The following FAT3 variants were observed in gnomAD, a reference collection of about 807,000 sequenced individuals.
FAT3 encodes the protein protocadherin Fat 3.
FAT3 carries 95 observed loss-of-function variants against 310.2 expected under a neutral mutation model. The ratio of observed to expected loss-of-function variants is 0.31; its 90% confidence interval spans 0.26 to 0.36. The LOEUF is 0.36. Among genes scored for constraint, FAT3 ranks in the 10% least tolerant of loss-of-function variants. The pLI is 1.00. For missense variants in FAT3, 5,408 were observed against 5,715.6 expected, an observed-to-expected ratio of 0.95 and a Z score of 1.74; for synonymous variants, 2,314 against 2,192.9, an observed-to-expected ratio of 1.06 and a Z score of -1.54.
chr11:92,596,779 G>A (rs1939731106), intron 3 of FAT3, among the ~76,000 whole-genome samples: 2 of 152,204 alleles, frequency 1.3e-5, no homozygotes, highest in African/African-American at 4.8e-5. Context: ...GCTTCTCTCA[G>A]TAAGGCCAAT....
intron 2 of FAT3, among the ~76,000 whole-genome samples, chr11:92,415,317 T>C (rs1210806323): frequency 6.6e-6 from 1 of 152,228 alleles, no homozygotes; most frequent in Non-Finnish European, 1.5e-5. Flanking sequence ...ATTCCACAGA[T>C]TGATCAGCCT....
chr11:92,550,310 A>G (rs1954765516), intron 3 of FAT3, among the ~76,000 whole-genome samples: 1 of 152,198 alleles, frequency 6.6e-6, no homozygotes, highest in African/African-American at 2.4e-5. Flanking sequence ...CCAAGAGAGA[A>G]GAGCCAGGAA....
chr11:92,543,029 G>A (rs538282976), intron 3 of FAT3, among the ~76,000 whole-genome samples: 15 of 152,012 alleles, frequency 9.9e-5, no homozygotes, highest in African/African-American at 3.1e-4. Context: ...TTGCAGCAAC[G>A]TGGATGGACC....
At chr11:92,295,464 A>G (rs562313916) in intron 1 of FAT3, among the ~76,000 whole-genome samples, 2 of 152,276 alleles carry the variant, frequency 1.3e-5, no homozygotes, top group African/African-American at 4.8e-5. Flanking sequence ...CCGTGTCTGA[A>G]TACAATTCTT....
chr11:92,376,456 A>C (rs1387354749), intron 2 of FAT3, among the ~76,000 whole-genome samples: 1 of 152,204 alleles, frequency 6.6e-6, no homozygotes, highest in African/African-American at 2.4e-5. Context: ...TCAGACGAAT[A>C]GTGAATCATT....
chr11:92,854,729 T>G (rs1003333960), intron 19 of FAT3, among the ~76,000 whole-genome samples: 2 of 152,058 alleles, frequency 1.3e-5, no homozygotes, highest in African/African-American at 4.8e-5. Flanking sequence ...ATCTGGCCCT[T>G]TTTTCCCCCT....
At chr11:92,345,096 G>T (rs1565241839) in intron 1 of FAT3, among the ~76,000 whole-genome samples, 1 of 152,068 alleles carries the variant, frequency 6.6e-6, no homozygotes. Context: ...CACAGTTTGG[G>T]AAATAGTGGG....
intron 1 of FAT3, among the ~76,000 whole-genome samples, chr11:92,349,599 C>T (rs888829892): frequency 1.3e-5 from 2 of 152,204 alleles, no homozygotes; most frequent in Non-Finnish European, 2.9e-5. Context: ...AAATGACCAG[C>T]AGCCCAGTGA....
chr11:92,683,424 T>C (rs565784414), intron 3 of FAT3, among the ~76,000 whole-genome samples: 1 of 152,334 alleles, frequency 6.6e-6, no homozygotes, highest in South Asian at 2.1e-4. Flanking sequence ...ATGATTTTCC[T>C]TTCCCATCAG....
intron 7 of FAT3, 105 bp downstream of exon 7, chr11:92,774,285 C>A: frequency 8.1e-7 from 1 of 1,232,738 alleles, no homozygotes; most frequent in Non-Finnish European, 1.1e-6. Flanking sequence ...ATTATGTCGA[C>A]GGTTTTCTAG....
chr11:92,670,576 T>G (rs1056890668), intron 3 of FAT3, among the ~76,000 whole-genome samples: 2 of 152,232 alleles, frequency 1.3e-5, no homozygotes, highest in African/African-American at 4.8e-5. Context: ...GGTATCCTTT[T>G]GAGCCAGCTC....
Position 92,810,004 on chromosome 11 carries a change from A to G in FAT3, c.9409A>G (p.Asn3137Asp), listed in dbSNP as rs764251161. 1.5e-5 allele frequency: 25 copies of G among 1,613,828 alleles called. No individual in the cohort carries two copies. In the Admixed American group the frequency reaches 3.3e-4, roughly 22 times the overall value. ...NPPVFSSDHY[N>D]TCVYENTATK... ...CCCTGTGTTTTCTTCTGACCACTAC[A>G]ACACCTGTGTCTATGAGAACACAGC... is the stretch of plus-strand genomic sequence containing the variant. Residue 3137 changes from asparagine (N) to aspartate (D), a missense_variant, in exon 13 of 28, where the codon AAC (asparagine) becomes GAC (aspartate). This residue lies in a region of FAT3 where 4,588 missense variants were observed against 4,809.8 expected (regional missense o/e 0.95). Coordinates refer to ENST00000525166, the MANE Select transcript of FAT3 (RefSeq NM_001367949.2).
At chr11:92,228,872 C>T (rs1864030863) in intron 1 of FAT3, among the ~76,000 whole-genome samples, 1 of 152,102 alleles carries the variant, frequency 6.6e-6, no homozygotes, top group African/African-American at 2.4e-5. Context: ...TGGGGTCATC[C>T]CCAGGTTTTT....
chr11:92,796,040 C>T (rs1157094427), intron 9 of FAT3, among the ~76,000 whole-genome samples: 4 of 151,972 alleles, frequency 2.6e-5, no homozygotes, highest in South Asian at 2.1e-4. Context: ...ACTCTGCAGT[C>T]GGGCACCATA....
At chr11:92,442,082 TATATA>T (rs1951077924) in intron 2 of FAT3, among the ~76,000 whole-genome samples, 2 of 63,096 alleles carry the variant, frequency 3.2e-5, no homozygotes, top group African/African-American at 2.0e-4. Context: ...ATATATATTT[TATATA>T]TATATATATA....
intron 3 of FAT3, among the ~76,000 whole-genome samples, chr11:92,672,140 AT>A (rs1377594725): frequency 1.3e-5 from 2 of 152,216 alleles, no homozygotes; most frequent in African/African-American, 4.8e-5. Flanking sequence ...ATAAATAAAT[AT>A]TTTTTAAATA....
At chr11:92,262,139 G>A (rs1375549335) in intron 1 of FAT3, among the ~76,000 whole-genome samples, 2 of 152,022 alleles carry the variant, frequency 1.3e-5, no homozygotes, top group East Asian at 3.9e-4. Context: ...TGGAATAGTG[G>A]TAAGAACCTC....
intron 2 of FAT3, among the ~76,000 whole-genome samples, chr11:92,359,682 A>G (rs2134666991): frequency 7.5e-6 from 1 of 133,614 alleles, no homozygotes; most frequent in East Asian, 2.2e-4. Context: ...TCATGTGTCC[A>G]TGTGATCTCA....
intron 4 of FAT3, among the ~76,000 whole-genome samples, chr11:92,742,913 T>C (rs960917048): frequency 1.3e-5 from 2 of 152,226 alleles, no homozygotes; most frequent in Non-Finnish European, 2.9e-5. Context: ...TGATTAAAAC[T>C]GTAGGTGTAG....
Sources: allele counts gnomAD v4.1 joint callset (sites outside exome capture counted in the v4.1 genomes callset), GRCh38; gene constraint gnomAD v4.1.1; regional missense constraint gnomAD v4.1.1; transcripts MANE v1.5; gene names NCBI Gene and HGNC (gene_info 2026-07-23, HGNC 2026-07-21).